Variants in NT5M observed in about 807,000 individuals in gnomAD.
NT5M encodes 5',3'-nucleotidase, mitochondrial.
Under a neutral mutation model 22.2 loss-of-function variants are expected in NT5M, and 22 were observed. That is an observed-to-expected ratio of 0.99 (90% CI 0.71 to 1.41). The LOEUF (loss-of-function observed/expected upper bound fraction) is 1.41, where lower values mean the gene tolerates loss of function less well. Among genes scored for constraint, NT5M ranks in the 40% most tolerant of loss-of-function variants. The pLI, the probability that NT5M is intolerant of heterozygous loss-of-function variation, is 0.00. For missense variants in NT5M, 322 were observed against 314.8 expected (o/e 1.02, Z -0.17); for synonymous variants, 167 against 133.0 (o/e 1.26, Z -1.76).
chr17:17,325,211 G>C (rs2049240278), intron 3 of NT5M, among the ~76,000 whole-genome samples: 1 of 152,178 alleles, frequency 6.6e-6, no homozygotes, highest in Non-Finnish European at 1.5e-5. Flanking sequence ...AGCAGTTGTG[G>C]GAGTGAGATG....
intron 3 of NT5M, among the ~76,000 whole-genome samples, chr17:17,328,768 A>G (rs2049314165): frequency 6.6e-6 from 1 of 152,080 alleles, no homozygotes; most frequent in African/African-American, 2.4e-5. Context: ...GAGGTCTCTC[A>G]CTTTATCACC....
intron 2 of NT5M, among the ~76,000 whole-genome samples, chr17:17,322,972 G>A (rs2049182046): frequency 1.3e-5 from 2 of 152,218 alleles, no homozygotes; most frequent in African/African-American, 4.8e-5. Context: ...AGAGCTGGCT[G>A]CCTGTGGCTG....
intron 2 of NT5M, among the ~76,000 whole-genome samples, chr17:17,318,077 C>A (rs1013582174): frequency 6.6e-6 from 1 of 151,810 alleles, no homozygotes; most frequent in Non-Finnish European, 1.5e-5. Context: ...TACTAGTACC[C>A]GAATGTCCCA....
intron 2 of NT5M, among the ~76,000 whole-genome samples, chr17:17,321,731 GC>G (rs1420568473): frequency 6.6e-6 from 1 of 151,880 alleles, no homozygotes; most frequent in East Asian, 2.0e-4. Flanking sequence ...TCAGGGCCTG[GC>G]CAGACAGGCC....
At position 17,308,234 on chromosome 17, in the gene NT5M, C is replaced by G. The variant is rs564165705; in HGVS notation, c.368+1591C>G. 1.7e-4 allele frequency among the ~76,000 whole-genome samples: 26 copies of G among 152,266 alleles called. No individual in the cohort carries two copies. In the South Asian group the frequency reaches 5.2e-3, roughly 30 times the overall value. ...TGGACTGAAGCCCCCACTCAGTGAC[C>G]TGTTGACAATTACAGAGGATGTGCT... On this transcript the variant is annotated intron_variant, in intron 2 of 4. Transcript: ENST00000389022.
intron 2 of NT5M, among the ~76,000 whole-genome samples, chr17:17,312,879 A>C (rs1284870500): frequency 6.6e-6 from 1 of 152,130 alleles, no homozygotes; most frequent in Non-Finnish European, 1.5e-5. Context: ...AAGCTGAGGC[A>C]GGAGGATCAC....
chr17:17,323,211 C>A lies in NT5M; in HGVS notation c.395C>A (p.Pro132His). 1 of 1,614,096 alleles carries A rather than the reference C, an allele frequency of 6.2e-7. No individual in the cohort carries two copies. The highest frequency in any genetic ancestry group is 8.5e-7 in the Non-Finnish European group (1 of 1,179,960). Residue 132 changes from proline (P) to histidine (H), a missense_variant, in exon 3 of 5, where the codon CCC (proline) becomes CAC (histidine). Pro to His is a moderately conservative substitution (Grantham distance 77). Transcript: ENST00000389022. ...QNTDVFICTS[P>H]IKMFKYCPYE... ...ACTGACGTCTTCATCTGCACAAGCC[C>A]CATCAAGATGTTCAAGTACTGTCCC...
intron 3 of NT5M, among the ~76,000 whole-genome samples, chr17:17,340,317 G>A (rs1307922553): frequency 5.3e-5 from 8 of 152,110 alleles, no homozygotes; most frequent in Admixed American, 5.2e-4. Context: ...TGTAATATCA[G>A]TTGTAGTGTT....
At chr17:17,345,923 C>A (rs907909059) in intron 4 of NT5M, among the ~76,000 whole-genome samples, 1 of 152,220 alleles carries the variant, frequency 6.6e-6, no homozygotes, top group South Asian at 2.1e-4. Context: ...GTTGAAACTG[C>A]CCGTGAGTGT....
chr17:17,325,482 G>A (rs1317826921), intron 3 of NT5M, among the ~76,000 whole-genome samples: 5 of 152,032 alleles, frequency 3.3e-5, no homozygotes, highest in South Asian at 2.1e-4. Flanking sequence ...CCATGGGACC[G>A]ATTTCGAAAA....
chr17:17,328,453 G>A (rs1372177036), intron 3 of NT5M, among the ~76,000 whole-genome samples: 1 of 152,166 alleles, frequency 6.6e-6, no homozygotes, highest in Non-Finnish European at 1.5e-5. Flanking sequence ...CACCGTTTGT[G>A]CCCCTCCCAA....
chr17:17,340,358 G>T (rs2049611479), intron 3 of NT5M, among the ~76,000 whole-genome samples: 1 of 151,500 alleles, frequency 6.6e-6, no homozygotes, highest in Non-Finnish European at 1.5e-5. Flanking sequence ...TATTTATTTG[G>T]GTCTTCTCTC....
At chr17:17,323,132 G>A (rs1463158135) in intron 2 of NT5M, 53 bp from the exon 3 acceptor site, 8 of 1,483,784 alleles carry the variant, frequency 5.4e-6, no homozygotes, top group Admixed American at 1.7e-5. Flanking sequence ...TGAAGGCCTC[G>A]GGGTGGTGAA....
chr17:17,344,196 G>A (rs896289106), intron 3 of NT5M, among the ~76,000 whole-genome samples: 1 of 152,140 alleles, frequency 6.6e-6, no homozygotes, highest in Non-Finnish European at 1.5e-5. Flanking sequence ...CCTGGAATGC[G>A]CTGTGTGCTA....
At chr17:17,335,932 A>G (rs572260913) in intron 3 of NT5M, among the ~76,000 whole-genome samples, 1 of 146,514 alleles carries the variant, frequency 6.8e-6, no homozygotes, top group East Asian at 2.1e-4. Context: ...ACGCCTGGCC[A>G]TGAACAATTA....
rs1184747368 is a variant in NT5M at position 17,303,740 on chromosome 17, C to T, written c.190C>T (p.Gln64Ter). 5.0e-6 allele frequency: 8 copies of T among 1,591,008 alleles called. No individual in the cohort carries two copies. Among genetic ancestry groups the T allele is most frequent in the Non-Finnish European group, 6.0e-6 (7 of 1,170,846 alleles). The change falls in exon 1 of 5, where the codon CAG becomes TAG. Residue 64 changes from glutamine to a stop codon, truncating the protein, a stop_gained. Coordinates refer to ENST00000389022, the MANE Select transcript of NT5M (RefSeq NM_020201.4). LOFTEE classifies it high-confidence loss of function. ...GAAGTTCCGCGCGCGCTTTCCCGACCAGCCCTTCATCGCGCTGGAGGACCG... is the reference window on the plus strand; with the variant it reads ...GAAGTTCCGCGCGCGCTTTCCCGACTAGCCCTTCATCGCGCTGGAGGACCG... ...LRKFRARFPD[Q>*]PFIALEDRRG...
rs2048720363 is a variant in NT5M at position 17,303,382 on chromosome 17, C to T, written c.-169C>T. ...CGCGCGCCGCGGCCTCGCTCTGGGG[C>T]CGGTACTTGCGCGCCCGCACCCCGC... On this transcript the variant is annotated 5_prime_UTR_variant, in exon 1 of 5. Transcript: ENST00000389022. 1.3e-6 allele frequency: 1 copy of T among 789,930 alleles called. No homozygotes were observed. Among genetic ancestry groups the T allele is most frequent in the Non-Finnish European group, 1.5e-6 (1 of 649,500 alleles). 48.9% of individuals were successfully genotyped at this position (789,930 alleles called of 1,614,324 possible).
At position 17,303,788 on chromosome 17, in the gene NT5M, C is replaced by G. The variant is rs1352754641; in HGVS notation, c.238C>G (p.Gln80Glu). ...EDRRGFWVSE[Q>E]YGRLRPGLSE... is the part of the protein sequence containing the mutation. ...CCGGCGCGGCTTCTGGGTGTCGGAGCAGTACGGCCGCCTGCGGCCAGGGCT... is the reference window on the plus strand; with the variant it reads ...CCGGCGCGGCTTCTGGGTGTCGGAGGAGTACGGCCGCCTGCGGCCAGGGCT... The change falls in exon 1 of 5, where the codon CAG (glutamine) becomes GAG (glutamate). Residue 80 changes from glutamine (Q) to glutamate (E), a missense_variant. Physicochemically the swap from Gln to Glu is conservative, Grantham distance 29. Transcript: ENST00000389022. 1 of 1,565,364 alleles carries G rather than the reference C, an allele frequency of 6.4e-7. No individual in the cohort carries two copies. Among genetic ancestry groups the G allele is most frequent in the East Asian group, 2.4e-5 (1 of 40,972 alleles).
At chr17:17,307,594 G>A (rs532096449) in intron 2 of NT5M, among the ~76,000 whole-genome samples, 1 of 139,894 alleles carries the variant, frequency 7.1e-6, no homozygotes, top group African/African-American at 2.6e-5. Flanking sequence ...GGTGGTTCAC[G>A]CCTGTAATCC....
Sources: gnomAD v4.1 joint callset for allele counts (sites outside exome capture counted in the v4.1 genomes callset) on GRCh38, gnomAD v4.1.1 for gene constraint, MANE v1.5 for transcripts, NCBI Gene and HGNC (gene_info 2026-07-23, HGNC 2026-07-21) for gene names.